NFATC1: variants seen among roughly 807,000 people sequenced by gnomAD.
NFATC1 encodes nuclear factor of activated T-cells, cytoplasmic 1.
Under a neutral mutation model 76.0 loss-of-function variants are expected in NFATC1, and 22 were observed. The ratio of observed to expected loss-of-function variants is 0.29; its 90% CI spans 0.21 to 0.41. The LOEUF (loss-of-function observed/expected upper bound fraction) is 0.41, where lower values mean the gene tolerates loss of function less well. Among genes scored for constraint, NFATC1 ranks in the 10% least tolerant of loss-of-function variants. NFATC1 has a pLI of 1.00. For missense variants in NFATC1, 1,357 were observed against 1,337.7 expected, an observed-to-expected ratio of 1.01 and a Z score of -0.23; for synonymous variants, 704 against 613.1, an observed-to-expected ratio of 1.15 and a Z score of -2.19.
At chr18:79,427,091 T>TC (rs1478917754) in intron 2 of NFATC1, among the ~76,000 whole-genome samples, 2 of 152,150 alleles carry the variant, frequency 1.3e-5, no homozygotes, top group African/African-American at 4.8e-5. Context: ...AGGGAGCATG[T>TC]CCCGGGTTCT....
rs924224430 is a variant in NFATC1, at chr18:79,411,303, C to T, written c.1028C>T (p.Pro343Leu). Residue 343 changes from proline to leucine, a missense_variant, in exon 2 of 10, where the codon CCG (proline) becomes CTG (leucine). Pro to Leu is a moderately conservative substitution (Grantham distance 98, BLOSUM62 -3). Coordinates refer to ENST00000427363, the MANE Select transcript of NFATC1 (RefSeq NM_001278669.2). The part of the protein sequence containing the change: ...VKSRKTTLEQ[P>L]PSVALKVEPV... ...TCCCGCAAGACCACCCTGGAGCAGCCGCCCTCAGTGGCGCTCAAGGTGGAG... is the reference window on the plus strand; with the variant it reads ...TCCCGCAAGACCACCCTGGAGCAGCTGCCCTCAGTGGCGCTCAAGGTGGAG... 1.8e-5 allele frequency: 29 copies of T among 1,603,586 alleles called. No individual in the cohort carries two copies. In the African/African-American group the frequency reaches 1.9e-4, roughly 10 times the overall value.
chr18:79,490,586 G>C (rs2089649865), intron 9 of NFATC1, among the ~76,000 whole-genome samples: 1 of 152,208 alleles, frequency 6.6e-6, no homozygotes, highest in African/African-American at 2.4e-5. Context: ...CTAGACACCT[G>C]TTCCTCCCTG....
intron 2 of NFATC1, among the ~76,000 whole-genome samples, chr18:79,423,674 G>A (rs1378844993): frequency 6.6e-6 from 1 of 152,160 alleles, no homozygotes; most frequent in East Asian, 1.9e-4. Flanking sequence ...AGCCTCACCC[G>A]GCGGGCAGGA....
intron 3 of NFATC1, among the ~76,000 whole-genome samples, chr18:79,438,750 C>T (rs1309573644): frequency 6.6e-6 from 1 of 152,146 alleles, no homozygotes; most frequent in African/African-American, 2.4e-5. Context: ...GACTCAGAGT[C>T]AGGAGGCCAG....
At chr18:79,484,120 C>G (rs753548546) in intron 8 of NFATC1, among the ~76,000 whole-genome samples, 1 of 151,888 alleles carries the variant, frequency 6.6e-6, no homozygotes, top group Non-Finnish European at 1.5e-5. Context: ...GCTGACGAGG[C>G]GGGGGGAGCA....
At chr18:79,400,115 A>G (rs1379003886) in intron 1 of NFATC1, among the ~76,000 whole-genome samples, 2 of 130,048 alleles carry the variant, frequency 1.5e-5, no homozygotes, top group African/African-American at 5.8e-5. Context: ...AGGCCGGGGG[A>G]CCCCTGCGGT....
At chr18:79,483,032 G>GGGT (rs200013654) in intron 8 of NFATC1, among the ~76,000 whole-genome samples, 14 of 117,556 alleles carry the variant, frequency 1.2e-4, no homozygotes, top group African/African-American at 4.5e-4. Flanking sequence ...CTGGTTCCTG[G>GGGT]GTAATTCCAG....
chr18:79,510,372 C>T (rs757717196), intron 9 of NFATC1, among the ~76,000 whole-genome samples: 13 of 152,110 alleles, frequency 8.5e-5, no homozygotes, highest in Non-Finnish European at 1.6e-4. Flanking sequence ...CTCAGAAAAT[C>T]GGAGTAGGGA....
At position 79,483,841 on chromosome 18, in the gene NFATC1, C is replaced by T. The variant is rs1316490190; in HGVS notation, c.2093-2407C>T. ...ACCTGGTCCTGGGGTGTCATTCCAG[C>T]GTGACGTGGTTCCTGGGGTGTCACT... On this transcript the variant is annotated intron_variant, in intron 8 of 9. Coordinates refer to ENST00000427363, the MANE Select transcript of NFATC1 (RefSeq NM_001278669.2). Among the ~76,000 whole-genome samples, 26 of 127,226 alleles carry T rather than the reference C, an allele frequency of 2.0e-4. 2 individuals carry two copies. Among genetic ancestry groups the T allele is most frequent in the African/African-American group, 7.6e-4 (24 of 31,530 alleles). The allele number at this position is 127,226 out of a possible 152,430, so 83.5% of individuals were successfully genotyped here.
intron 7 of NFATC1, among the ~76,000 whole-genome samples, chr18:79,467,218 TC>T (rs1180953713): frequency 6.6e-6 from 1 of 152,156 alleles, no homozygotes; most frequent in African/African-American, 2.4e-5. Flanking sequence ...GCACAGAGCA[TC>T]CAGGGCTGTC....
At chr18:79,508,404 G>T (rs190787590) in intron 9 of NFATC1, among the ~76,000 whole-genome samples, 1 of 152,204 alleles carries the variant, frequency 6.6e-6, no homozygotes, top group Non-Finnish European at 1.5e-5. Flanking sequence ...GTGAGGGGGC[G>T]CATGGGCAGG....
At chr18:79,510,395 T>C (rs892142047) in intron 9 of NFATC1, among the ~76,000 whole-genome samples, 3 of 152,198 alleles carry the variant, frequency 2.0e-5, no homozygotes, top group Non-Finnish European at 2.9e-5. Context: ...GGGAGAACAG[T>C]TGAAGCGAGA....
intron 6 of NFATC1, among the ~76,000 whole-genome samples, chr18:79,455,109 T>C (rs1322730836): frequency 6.6e-6 from 1 of 152,236 alleles, no homozygotes; most frequent in East Asian, 1.9e-4. Context: ...TGTGGATGCA[T>C]CAAACATGAG....
chr18:79,477,605 G>A (rs1038922165), intron 8 of NFATC1, among the ~76,000 whole-genome samples: 13 of 149,378 alleles, frequency 8.7e-5, no homozygotes, highest in African/African-American at 2.6e-4. Context: ...CTCAGTCTTC[G>A]GGGCTTCCAT....
rs188921866 is a variant in NFATC1, at chr18:79,457,085, C to T, written c.1904-4226C>T. ...CTGGGCGCCTGTGAGTGTGGACAGA[C>T]ATCACTGTCGCCGTGTGCTCCGAGA... On this transcript the variant is annotated intron_variant, in intron 6 of 9. Coordinates refer to ENST00000427363, the MANE Select transcript of NFATC1 (RefSeq NM_001278669.2). Among the ~76,000 whole-genome samples the T allele has an allele frequency of 3.0e-3, 461 of 152,370 alleles. 1 individual carries two copies. Among genetic ancestry groups the T allele is most frequent in the Non-Finnish European group, 5.4e-3 (367 of 68,036 alleles).
Position 79,523,228 on chromosome 18 carries a change from A to G in NFATC1, c.2783-4300A>G, listed in dbSNP as rs1260747872. Among the ~76,000 whole-genome samples the G allele has an allele frequency of 2.0e-5, 3 of 152,358 alleles. No individual in the cohort carries two copies. In the East Asian group the frequency reaches 5.8e-4, roughly 29 times the overall value. On this transcript the variant is annotated intron_variant, in intron 9 of 9. Transcript: ENST00000427363. ...CCTTAATTGCTTTCAGAAACCGGGC[A>G]TTCAGAAATGCAGAAAAATGTTGCT... is the stretch of plus-strand genomic sequence containing the variant.
chr18:79,454,264 AGGGTCGGCTCC>A (rs1227305975), intron 6 of NFATC1, among the ~76,000 whole-genome samples: 1 of 152,238 alleles, frequency 6.6e-6, no homozygotes. Context: ...GACACAGGCC[AGGGTCGGCTCC>A]ACCCTGTCCT....
chr18:79,444,812 C>T (rs973216163), intron 3 of NFATC1, among the ~76,000 whole-genome samples: 29 of 152,368 alleles, frequency 1.9e-4, no homozygotes, highest in Admixed American at 5.9e-4. Flanking sequence ...TGCCTGCACA[C>T]GCACACTTCT....
At chr18:79,398,105 C>T (rs925463527) in intron 1 of NFATC1, among the ~76,000 whole-genome samples, 3 of 152,110 alleles carry the variant, frequency 2.0e-5, no homozygotes, top group Non-Finnish European at 2.9e-5. Context: ...AGGACCTGGG[C>T]GCCTCCCCTG....
Sources: allele counts gnomAD v4.1 joint callset (sites outside exome capture counted in the v4.1 genomes callset), GRCh38; gene constraint gnomAD v4.1.1; transcripts MANE v1.5; gene names NCBI Gene and HGNC (gene_info 2026-07-23, HGNC 2026-07-21).